The following RCC2 variants were observed in gnomAD, a reference collection of about 807,000 sequenced individuals.
The protein encoded by RCC2 is protein RCC2.
Under a neutral mutation model 64.1 loss-of-function variants are expected in RCC2, and 19 were observed. The observed-to-expected ratio is 0.30, with a 90% CI of 0.21 to 0.44. RCC2 has a LOEUF of 0.44. Ranked by LOEUF, RCC2 falls within the 20% of genes least tolerant of loss-of-function variation. RCC2 has a pLI of 1.00. For missense variants in RCC2, 508 were observed against 710.4 expected, an observed-to-expected ratio of 0.72 and a Z score of 3.24; for synonymous variants, 325 against 279.6, an observed-to-expected ratio of 1.16 and a Z score of -1.62.
rs2075386958 is a variant in RCC2 at position 17,408,379 on chromosome 1, T to G, written c.*711A>C. 1 of 152,170 alleles carries G rather than the reference T, an allele frequency of 6.6e-6. No homozygotes were observed. 9.4% of individuals were successfully genotyped at this position (152,170 alleles called of 1,614,324 possible). A position where few individuals can be genotyped will look rare whatever the true frequency, so the allele number is the denominator to read the frequency against. ...CCCCCAAGTCCCCATGGTTCCACAATCACCTGATTTTCATTTGGACCTCTT... is the reference window on the plus strand; with the variant it reads ...CCCCCAAGTCCCCATGGTTCCACAAGCACCTGATTTTCATTTGGACCTCTT... On this transcript the variant is annotated 3_prime_UTR_variant, in exon 13 of 13. Transcript: ENST00000375436.
At chr1:17,416,432 C>T (rs1353449226) in intron 8 of RCC2, 48 bp downstream of exon 8, 2 of 1,568,406 alleles carry the variant, frequency 1.3e-6, no homozygotes, top group Admixed American at 3.5e-5. Context: ...ATAAACACCC[C>T]TTCCATCCTG....
chr1:17,418,156 A>C (rs1363401537), intron 7 of RCC2, among the ~76,000 whole-genome samples: 1 of 151,968 alleles, frequency 6.6e-6, no homozygotes, highest in African/African-American at 2.4e-5. Flanking sequence ...ACACACAATA[A>C]AACTCCTGGG....
chr1:17,421,713 C>T (rs758491212), intron 6 of RCC2, among the ~76,000 whole-genome samples: 9 of 152,200 alleles, frequency 5.9e-5, no homozygotes, highest in Non-Finnish European at 1.0e-4. Context: ...AACCCGACCA[C>T]AAACTAAGCC....
chr1:17,420,112 G>C (rs2075539140), intron 7 of RCC2, among the ~76,000 whole-genome samples: 1 of 152,184 alleles, frequency 6.6e-6, no homozygotes, highest in Admixed American at 6.5e-5. Flanking sequence ...GCACTTCAGG[G>C]AACCGCACTT....
Position 17,439,620 on chromosome 1 carries a change from T to C in RCC2, c.-84A>G, listed in dbSNP as rs890411373. On this transcript the variant is annotated 5_prime_UTR_variant, in exon 1 of 13. Coordinates refer to ENST00000375436, the MANE Select transcript of RCC2 (RefSeq NM_018715.4). ...AAAGACGGATCGGAGGGCTTTTTTT[T>C]TTCCGGCCCAGACGAGGGCTCCAGC... 1 of 149,928 alleles carries C rather than the reference T, an allele frequency of 6.7e-6. No homozygotes were observed. The highest frequency in any genetic ancestry group is 2.4e-5 in the African/African-American group (1 of 41,172). The allele number at this position is 149,928 out of a possible 1,614,324, so 9.3% of individuals were successfully genotyped here.
At chr1:17,430,714 G>C (rs1013934380) in intron 2 of RCC2, among the ~76,000 whole-genome samples, 1 of 151,932 alleles carries the variant, frequency 6.6e-6, no homozygotes, top group Non-Finnish European at 1.5e-5. Context: ...CTTGAACCCG[G>C]GAGGCGGAGG....
intron 11 of RCC2, among the ~76,000 whole-genome samples, chr1:17,411,579 T>G (rs1570171936): frequency 1.1e-5 from 1 of 95,112 alleles, no homozygotes; most frequent in Non-Finnish European, 2.1e-5. Flanking sequence ...AAACTCCATC[T>G]CAAAAAAAAA....
chr1:17,413,900 G>T (rs1179338779), intron 8 of RCC2, among the ~76,000 whole-genome samples, 183 bp from the exon 9 acceptor site: 1 of 152,234 alleles, frequency 6.6e-6, no homozygotes, highest in Non-Finnish European at 1.5e-5. Flanking sequence ...GGAGGCCAAG[G>T]TGGGTGGATC....
chr1:17,422,625 C>T, intron 5 of RCC2, 80 bp downstream of exon 5: 1 of 1,548,822 alleles, frequency 6.5e-7, no homozygotes, highest in South Asian at 1.2e-5. Context: ...GGGAACTCCA[C>T]CACCCCACGC....
intron 7 of RCC2, among the ~76,000 whole-genome samples, chr1:17,419,791 G>C (rs995225613): frequency 4.6e-5 from 7 of 152,216 alleles, no homozygotes; most frequent in African/African-American, 1.7e-4. Context: ...GCTGGGCACC[G>C]CAGCAGGGCT....
chr1:17,432,890 G>A lies in RCC2; in HGVS notation c.286-3691C>T, dbSNP rs367687986. 1.6e-4 allele frequency among the ~76,000 whole-genome samples: 24 copies of A among 152,234 alleles called. No individual in the cohort carries two copies. The East Asian group carries it at 3.9e-3, about 25-fold the overall frequency. ...GGAGAAGGGCATGAACCCGGGAGGC[G>A]GGGCTTGCAGTGAGCCGAGATCGCG... On this transcript the variant is annotated intron_variant, in intron 2 of 12. Coordinates refer to ENST00000375436, the MANE Select transcript of RCC2 (RefSeq NM_018715.4).
rs1557621368 is a variant in RCC2, at chr1:17,413,141, A to G, written c.1245T>C (p.Arg415=). 3.1e-6 allele frequency: 5 copies of G among 1,614,056 alleles called. No individual in the cohort carries two copies. The highest frequency in any genetic ancestry group is 3.3e-5 in the Admixed American group (2 of 60,010). The change falls in exon 10 of 13, where the codon CGT becomes CGC. Residue 415 remains arginine (R), a synonymous_variant. Coordinates refer to ENST00000375436, the MANE Select transcript of RCC2 (RefSeq NM_018715.4). ...CTGCTTTTGGGTACATGGTAGATTC[A>G]CGGGAGGTGTTGGTGGCCCCCCAGA... is the stretch of plus-strand genomic sequence containing the variant. ...LFFWGATNTS[R]ESTMYPKAVQ... is the part of the protein sequence containing the mutation.
chr1:17,425,864 G>A (rs544499674), intron 3 of RCC2, among the ~76,000 whole-genome samples, 180 bp from the exon 4 acceptor site: 7 of 152,306 alleles, frequency 4.6e-5, no homozygotes, highest in East Asian at 3.9e-4. Context: ...GAATCTCTGC[G>A]ATGCCTCTGA....
chr1:17,436,963 T>A (rs1001250165), intron 2 of RCC2, among the ~76,000 whole-genome samples: 1 of 152,216 alleles, frequency 6.6e-6, no homozygotes, highest in Non-Finnish European at 1.5e-5. Context: ...GCAAGACCTT[T>A]TGACAGCTTT....
intron 5 of RCC2, among the ~76,000 whole-genome samples, 178 bp from the exon 6 acceptor site, chr1:17,422,469 C>T (rs1557627410): frequency 6.6e-6 from 1 of 152,218 alleles, no homozygotes; most frequent in Non-Finnish European, 1.5e-5. Context: ...ACATCAGAAA[C>T]TGGGTGTGCA....
rs2075764541 is a variant in RCC2 at position 17,438,313 on chromosome 1, G to T, written c.202C>A (p.Arg68Ser). 8.1e-7 allele frequency: 1 copy of T among 1,236,716 alleles called. No homozygotes were observed. 76.6% of individuals were successfully genotyped at this position (1,236,716 alleles called of 1,614,324 possible). Residue 68 changes from arginine to serine, a missense_variant, in exon 2 of 13, where the codon CGC (arginine) becomes AGC (serine). This residue lies in a region of RCC2 where 195 missense variants were observed against 158.3 expected (regional missense o/e 1.23). Coordinates refer to ENST00000375436, the MANE Select transcript of RCC2 (RefSeq NM_018715.4). ...ELDGAPGGGK[R>S]AARPATAGKA... ...CCTGCTGTCGCCGGCCGCGCCGCGCGCTTGCCCCCGCCGGGGGCCCCGTCG... is the reference window on the plus strand; with the variant it reads ...CCTGCTGTCGCCGGCCGCGCCGCGCTCTTGCCCCCGCCGGGGGCCCCGTCG...
intron 7 of RCC2, among the ~76,000 whole-genome samples, chr1:17,417,753 C>G (rs1351638606): frequency 6.6e-6 from 1 of 151,990 alleles, no homozygotes; most frequent in East Asian, 1.9e-4. Flanking sequence ...GGCTAATCCC[C>G]CTCCATACGG....
intron 11 of RCC2, among the ~76,000 whole-genome samples, chr1:17,411,866 GGGGAAACC>G (rs1330804099): frequency 2.0e-5 from 3 of 152,202 alleles, no homozygotes; most frequent in Non-Finnish European, 4.4e-5. Context: ...CAAAATGTGA[GGGGAAACC>G]GGATCTGAAA....
chr1:17,414,157 A>G (rs1186163086), intron 8 of RCC2, among the ~76,000 whole-genome samples: 1 of 152,192 alleles, frequency 6.6e-6, no homozygotes, highest in East Asian at 1.9e-4. Flanking sequence ...TATTTAAGTT[A>G]CAAGTCTTAA....
Sources: allele counts gnomAD v4.1 joint callset (sites outside exome capture counted in the v4.1 genomes callset), GRCh38; gene constraint gnomAD v4.1.1; regional missense constraint gnomAD v4.1.1; transcripts MANE v1.5; gene names NCBI Gene and HGNC (gene_info 2026-07-23, HGNC 2026-07-21).